CDH7: variants seen among roughly 807,000 people sequenced by gnomAD.
CDH7 encodes the protein cadherin 7.
A neutral mutation model predicts 71.8 loss-of-function variants in CDH7; 25 were observed. The observed-to-expected ratio is 0.35, with a 90% confidence interval of 0.25 to 0.49. The LOEUF (loss-of-function observed/expected upper bound fraction) is 0.49. Ranked by LOEUF, CDH7 falls within the 20% of genes least tolerant of loss-of-function variation. CDH7 has a pLI of 0.99. For synonymous variants in CDH7, 381 were observed against 363.8 expected (o/e 1.05, Z -0.54); for missense variants, 862 against 974.6 (o/e 0.88, Z 1.54).
chr18:65,793,145 A>G (rs889758560), intron 2 of CDH7, among the ~76,000 whole-genome samples: 10 of 152,136 alleles, frequency 6.6e-5, no homozygotes, highest in African/African-American at 2.4e-4. Context: ...AATAAATCTA[A>G]AAAACATTCT....
intron 6 of CDH7, among the ~76,000 whole-genome samples, chr18:65,834,581 TAACA>T (rs1006099161): frequency 2.6e-4 from 39 of 152,288 alleles, no homozygotes; most frequent in African/African-American, 7.9e-4. Flanking sequence ...TCAAAAAGAC[TAACA>T]AACAAAGTTT....
chr18:65,826,566 A>AT (rs1912139035), intron 6 of CDH7, among the ~76,000 whole-genome samples: 1 of 150,696 alleles, frequency 6.6e-6, no homozygotes, highest in Admixed American at 6.6e-5. Context: ...AGTCTTTCAC[A>AT]TTTTATGAAA....
At chr18:65,781,706 A>G (rs953899945) in intron 2 of CDH7, among the ~76,000 whole-genome samples, 1 of 151,996 alleles carries the variant, frequency 6.6e-6, no homozygotes, top group Non-Finnish European at 1.5e-5. Flanking sequence ...TAAGAGGAGA[A>G]CTACAAATAG....
intron 7 of CDH7, among the ~76,000 whole-genome samples, chr18:65,852,700 A>G (rs947741475): frequency 3.3e-5 from 5 of 152,278 alleles, no homozygotes; most frequent in Middle Eastern, 3.4e-3. Flanking sequence ...AAGGGAGGCT[A>G]GCAAATATAG....
At chr18:65,801,935 A>G (rs1404459828) in intron 2 of CDH7, among the ~76,000 whole-genome samples, 1 of 152,212 alleles carries the variant, frequency 6.6e-6, no homozygotes, top group Non-Finnish European at 1.5e-5. Context: ...CAAACACCTT[A>G]TGCTATTGGT....
intron 2 of CDH7, among the ~76,000 whole-genome samples, chr18:65,796,815 A>T (rs1410721122): frequency 6.6e-6 from 1 of 152,166 alleles, no homozygotes; most frequent in African/African-American, 2.4e-5. Context: ...TGTTTGATTC[A>T]TCTTGAATCC....
chr18:65,777,166 T>C (rs1282209488), intron 2 of CDH7, among the ~76,000 whole-genome samples: 2 of 152,056 alleles, frequency 1.3e-5, no homozygotes, highest in Non-Finnish European at 1.5e-5. Flanking sequence ...TTAAATAAAA[T>C]GAAAGACCTG....
intron 4 of CDH7, among the ~76,000 whole-genome samples, chr18:65,819,201 C>G (rs188587415): frequency 2.6e-4 from 40 of 151,320 alleles, no homozygotes; most frequent in Admixed American, 2.4e-3. Context: ...AGTTACTGCC[C>G]TCTTTCCTAG....
At chr18:65,828,398 A>G (rs1912210476) in intron 6 of CDH7, among the ~76,000 whole-genome samples, 1 of 152,148 alleles carries the variant, frequency 6.6e-6, no homozygotes, top group South Asian at 2.1e-4. Flanking sequence ...GTCCACTTAT[A>G]TATGGATTTT....
chr18:65,864,296 G>A (rs976408335), intron 11 of CDH7, among the ~76,000 whole-genome samples: 5 of 152,146 alleles, frequency 3.3e-5, no homozygotes, highest in Admixed American at 2.0e-4. Context: ...CCTGCAAGCC[G>A]CAAGCAGCTG....
At chr18:65,786,506 G>A (rs944023753) in intron 2 of CDH7, among the ~76,000 whole-genome samples, 3 of 152,066 alleles carry the variant, frequency 2.0e-5, no homozygotes, top group African/African-American at 4.8e-5. Context: ...CCTCTGCATA[G>A]CAAACCATAA....
chr18:65,826,954 A>T (rs7231405), intron 6 of CDH7, among the ~76,000 whole-genome samples: 110,872 of 151,392 alleles, frequency 0.73, 40,860 homozygotes, highest in East Asian at 0.98. Context: ...AATTATGATT[A>T]AAAATGATTC....
At chr18:65,777,093 G>A (rs1029802870) in intron 2 of CDH7, among the ~76,000 whole-genome samples, 1 of 152,024 alleles carries the variant, frequency 6.6e-6, no homozygotes, top group Non-Finnish European at 1.5e-5. Flanking sequence ...GGGTAGGCAG[G>A]TGTTCTAGAA....
In CDH7 at chr18:65,887,051, C is replaced by G. The variant is rs1914390066; in HGVS notation, c.*6157C>G. ...GTAACTAATGAGAATGTTGAAAGTA[C>G]AGCATACTTTCATTCAAAAACAAAC... On this transcript the variant is annotated 3_prime_UTR_variant, in exon 12 of 12. Coordinates refer to ENST00000397968, the MANE Select transcript of CDH7 (RefSeq NM_004361.5). The G allele has an allele frequency of 1.3e-5, 2 of 152,004 alleles. No homozygotes were observed. Among genetic ancestry groups the G allele is most frequent in the Non-Finnish European group, 2.9e-5 (2 of 68,002 alleles). The allele number at this position is 152,004 out of a possible 1,614,324, so 9.4% of individuals were successfully genotyped here.
chr18:65,775,449 A>G (rs1909900339), intron 2 of CDH7, among the ~76,000 whole-genome samples: 1 of 152,218 alleles, frequency 6.6e-6, no homozygotes, highest in Non-Finnish European at 1.5e-5. Context: ...TTAGTTGTTA[A>G]TAATAGTGGT....
In CDH7 at chr18:65,758,874, T is replaced by TTC. The variant is rs1286198766; in HGVS notation, c.-196-3772_-196-3771dup. Among the ~76,000 whole-genome samples, 5 of 152,232 alleles carry TTC rather than the reference T, an allele frequency of 3.3e-5. No individual in the cohort carries two copies. In the South Asian group the frequency reaches 8.3e-4, roughly 25 times the overall value. On this transcript the variant is annotated intron_variant, in intron 1 of 11. Coordinates refer to ENST00000397968, the MANE Select transcript of CDH7 (RefSeq NM_004361.5). The stretch of plus-strand genomic sequence containing the variant: ...TTCCGAATGTCAATTATGTGCCTAC[T>TTC]TCAGTCGTAGATACTACAGATACGA...
chr18:65,754,401 A>G (rs1038925165), intron 1 of CDH7, among the ~76,000 whole-genome samples: 4 of 152,166 alleles, frequency 2.6e-5, no homozygotes, highest in African/African-American at 9.7e-5. Context: ...GAGCTAATGG[A>G]TTTGATCGCA....
intron 6 of CDH7, among the ~76,000 whole-genome samples, chr18:65,825,820 CTG>C (rs1912110395): frequency 6.6e-6 from 1 of 151,788 alleles, no homozygotes; most frequent in South Asian, 2.1e-4. Context: ...TGGTGACAAT[CTG>C]TGTATAAAAG....
chr18:65,828,647 C>G (rs1912220437), intron 6 of CDH7, among the ~76,000 whole-genome samples: 1 of 152,018 alleles, frequency 6.6e-6, no homozygotes, highest in Admixed American at 6.6e-5. Flanking sequence ...AAGTTATACA[C>G]AGATTTTTGG....
Sources: allele counts gnomAD v4.1 joint callset (sites outside exome capture counted in the v4.1 genomes callset), GRCh38; gene constraint gnomAD v4.1.1; transcripts MANE v1.5; gene names NCBI Gene and HGNC (gene_info 2026-07-23, HGNC 2026-07-21).